The following PTPRD variants were observed in gnomAD, a reference collection of about 807,000 sequenced individuals.
The protein encoded by PTPRD is protein tyrosine phosphatase receptor type D.
A neutral mutation model predicts 214.5 loss-of-function variants in PTPRD; 34 were observed. That is an observed-to-expected ratio of 0.16 (90% CI 0.12 to 0.21). The LOEUF is 0.21. PTPRD is among the 10% of genes least tolerant of loss of function. The pLI is 1.00. For missense variants in PTPRD, 2,545 were observed against 2,398.7 expected, an observed-to-expected ratio of 1.06 and a Z score of -1.27; for synonymous variants, 1,128 against 845.7, an observed-to-expected ratio of 1.33 and a Z score of -5.79.
intron 4 of PTPRD, among the ~76,000 whole-genome samples, chr9:9,960,104 G>A (rs1423231240): frequency 6.6e-6 from 1 of 151,708 alleles, no homozygotes; most frequent in Non-Finnish European, 1.5e-5. Flanking sequence ...ACTGACTCTA[G>A]GTCTGAGGCA....
At chr9:10,503,811 G>C (rs963110150) in intron 2 of PTPRD, among the ~76,000 whole-genome samples, 1 of 151,802 alleles carries the variant, frequency 6.6e-6, no homozygotes, top group Non-Finnish European at 1.5e-5. Context: ...GAAAGAGACT[G>C]TAATTTTAGA....
intron 5 of PTPRD, among the ~76,000 whole-genome samples, chr9:9,784,825 T>C (rs2098906472): frequency 6.6e-6 from 1 of 150,516 alleles, no homozygotes; most frequent in Admixed American, 6.6e-5. Context: ...ATATATTAGA[T>C]ATATGTATGA....
intron 36 of PTPRD, among the ~76,000 whole-genome samples, chr9:8,391,577 A>G (rs2135781776): frequency 6.6e-6 from 1 of 152,330 alleles, no homozygotes; most frequent in African/African-American, 2.4e-5. Flanking sequence ...GTCAAGAATG[A>G]ATCCATCTAA....
chr9:8,722,272 G>C (rs981687871), intron 12 of PTPRD, among the ~76,000 whole-genome samples: 1 of 151,878 alleles, frequency 6.6e-6, no homozygotes, highest in Non-Finnish European at 1.5e-5. Context: ...TTGCCAAAGG[G>C]TCAGAATTCT....
chr9:10,287,358 C>G (rs1325793978), intron 3 of PTPRD, among the ~76,000 whole-genome samples: 1 of 152,124 alleles, frequency 6.6e-6, no homozygotes. Context: ...CAGGATGCCT[C>G]TACATAGCAA....
intron 7 of PTPRD, among the ~76,000 whole-genome samples, chr9:9,589,381 C>A (rs1204741511): frequency 6.6e-6 from 1 of 151,402 alleles, no homozygotes; most frequent in African/African-American, 2.4e-5. Flanking sequence ...CTTGTTAACT[C>A]TTGTGGCATG....
At chr9:8,644,738 C>G (rs780470416) in intron 12 of PTPRD, among the ~76,000 whole-genome samples, 4 of 152,200 alleles carry the variant, frequency 2.6e-5, no homozygotes, top group Non-Finnish European at 5.9e-5. Flanking sequence ...CACCCGGAAC[C>G]GCCCACCCCG....
chr9:9,041,128 A>G (rs916189570), intron 10 of PTPRD, among the ~76,000 whole-genome samples: 5 of 152,220 alleles, frequency 3.3e-5, no homozygotes, highest in Admixed American at 2.6e-4. Flanking sequence ...GTTATAAGAT[A>G]GAACTTTAAC....
At chr9:9,493,767 G>T (rs931629182) in intron 8 of PTPRD, among the ~76,000 whole-genome samples, 3 of 114,910 alleles carry the variant, frequency 2.6e-5, no homozygotes, top group African/African-American at 1.0e-4. Context: ...CAGCCTGGGT[G>T]ACAGAGCAAG....
At chr9:8,966,994 C>A (rs548474282) in intron 11 of PTPRD, among the ~76,000 whole-genome samples, 2 of 151,972 alleles carry the variant, frequency 1.3e-5, no homozygotes, top group South Asian at 4.2e-4. Context: ...TAGACATGAA[C>A]AGACACTTCT....
intron 5 of PTPRD, among the ~76,000 whole-genome samples, chr9:9,836,603 C>G (rs143512671): frequency 1.2e-4 from 18 of 152,206 alleles, no homozygotes; most frequent in Non-Finnish European, 2.6e-4. Context: ...TAATATCAAT[C>G]CTCTTCAAAG....
In PTPRD at chr9:9,732,147, G is replaced by A. The variant is rs759370444; in HGVS notation, c.-287+2386C>T. ...GGATACGAGCAGACACACTGATCAT[G>A]CTGGTCACAGAAGCAGAAATAGTGA... On this transcript the variant is annotated intron_variant, in intron 7 of 45. Coordinates refer to ENST00000381196, the MANE Select transcript of PTPRD (RefSeq NM_002839.4). Among the ~76,000 whole-genome samples the A allele has an allele frequency of 2.6e-5, 4 of 152,084 alleles. No homozygotes were observed. In the East Asian group the frequency reaches 7.7e-4, roughly 29 times the overall value.
At chr9:8,437,601 T>C (rs1268399558) in intron 34 of PTPRD, among the ~76,000 whole-genome samples, 1 of 152,286 alleles carries the variant, frequency 6.6e-6, no homozygotes, top group Non-Finnish European at 1.5e-5. Context: ...CATTTATAAA[T>C]GGCCACACTA....
intron 2 of PTPRD, among the ~76,000 whole-genome samples, chr9:10,590,024 A>C (rs1202950845): frequency 6.6e-6 from 1 of 152,092 alleles, no homozygotes; most frequent in African/African-American, 2.4e-5. Flanking sequence ...ATTGAAAATA[A>C]AAATAACCAA....
At chr9:8,743,797 C>CAATAAT (rs138293869) in intron 11 of PTPRD, among the ~76,000 whole-genome samples, 2,342 of 138,310 alleles carry the variant, frequency 0.017, 29 homozygotes, top group South Asian at 0.027. Context: ...CAAAAAATAA[C>CAATAAT]AATAATAATA....
rs200180014 is a variant in PTPRD at position 10,439,432 on chromosome 9, G to C, written c.-599-98415C>G. 1.1e-4 allele frequency among the ~76,000 whole-genome samples: 17 copies of C among 151,814 alleles called. No homozygotes were observed. In the East Asian group the frequency reaches 1.7e-3, roughly 16 times the overall value. On this transcript the variant is annotated intron_variant, in intron 2 of 45. Transcript: ENST00000381196. ...AATTGTATTCAAGGAAAAAGTACTA[G>C]AATGAAAAAGGAAGATAAACAGGAT...
intron 3 of PTPRD, among the ~76,000 whole-genome samples, chr9:10,113,246 C>A (rs2098705951): frequency 6.6e-6 from 1 of 152,150 alleles, no homozygotes; most frequent in Non-Finnish European, 1.5e-5. Context: ...TTTATTTGTT[C>A]TTCACAACCA....
At chr9:8,390,267 A>G (rs1327735843) in intron 36 of PTPRD, among the ~76,000 whole-genome samples, 1 of 152,162 alleles carries the variant, frequency 6.6e-6, no homozygotes, top group African/African-American at 2.4e-5. Context: ...AACTCTGAAC[A>G]TCGCTTACAA....
chr9:9,730,230 C>A (rs1163493977), intron 7 of PTPRD, among the ~76,000 whole-genome samples: 4 of 152,022 alleles, frequency 2.6e-5, no homozygotes, highest in Non-Finnish European at 5.9e-5. Flanking sequence ...ATGACTAATG[C>A]TAAGCACATG....
Sources: gnomAD v4.1 joint callset for allele counts (sites outside exome capture counted in the v4.1 genomes callset) on GRCh38, gnomAD v4.1.1 for gene constraint, MANE v1.5 for transcripts, NCBI Gene and HGNC (gene_info 2026-07-23, HGNC 2026-07-21) for gene names.